NECAB1: variants seen among roughly 807,000 people sequenced by gnomAD.
NECAB1 encodes N-terminal EF-hand calcium binding protein 1.
NECAB1 carries 29 observed loss-of-function variants against 57.5 expected under a neutral mutation model. The ratio of observed to expected loss-of-function variants is 0.50; its 90% CI spans 0.38 to 0.69. The LOEUF is 0.69. NECAB1 is among the 30% of genes least tolerant of loss of function. The probability of loss-of-function intolerance (pLI) is 0.00; values close to 1 mark genes in which losing one functional copy is unlikely to be tolerated. For synonymous variants in NECAB1, 142 were observed against 147.7 expected (o/e 0.96, Z 0.28); for missense variants, 372 against 413.8 (o/e 0.90, Z 0.88).
intron 3 of NECAB1, among the ~76,000 whole-genome samples, chr8:90,828,172 T>A (rs1812253541): frequency 6.6e-6 from 1 of 151,208 alleles, no homozygotes; most frequent in South Asian, 2.1e-4. Context: ...ATTACTTGGA[T>A]CTTTTCAGTC....
At chr8:90,904,454 T>TA in intron 5 of NECAB1, among the ~76,000 whole-genome samples, 1 of 151,812 alleles carries the variant, frequency 6.6e-6, no homozygotes, top group East Asian at 1.9e-4. Context: ...GCTAAACATT[T>TA]AAAAAATACA....
intron 5 of NECAB1, among the ~76,000 whole-genome samples, chr8:90,887,856 G>A (rs957697082): frequency 3.3e-5 from 5 of 152,094 alleles, no homozygotes; most frequent in Admixed American, 1.3e-4. Context: ...TCGAATGAAT[G>A]TATAAATAGC....
intron 12 of NECAB1, among the ~76,000 whole-genome samples, chr8:90,952,168 G>T (rs1810934102): frequency 6.6e-6 from 1 of 151,908 alleles, no homozygotes; most frequent in South Asian, 2.1e-4. Context: ...AAAGGTGGAT[G>T]TCATGGAGAG....
intron 5 of NECAB1, among the ~76,000 whole-genome samples, chr8:90,885,221 A>G (rs2129906212): frequency 6.6e-6 from 1 of 152,306 alleles, no homozygotes; most frequent in Middle Eastern, 3.4e-3. Context: ...AAGATCATCA[A>G]CAAGGTGGTG....
intron 5 of NECAB1, among the ~76,000 whole-genome samples, chr8:90,913,480 A>G (rs1015986926): frequency 3.3e-4 from 50 of 152,108 alleles, no homozygotes; most frequent in Non-Finnish European, 6.5e-4. Flanking sequence ...GAAAAAAAAA[A>G]GAAGCAAAAT....
intron 1 of NECAB1, among the ~76,000 whole-genome samples, chr8:90,792,231 T>G (rs1360539793): frequency 6.6e-6 from 1 of 152,178 alleles, no homozygotes; most frequent in Admixed American, 6.5e-5. Context: ...ACAGGCTGGG[T>G]TTCGTAGAGA....
intron 3 of NECAB1, among the ~76,000 whole-genome samples, chr8:90,836,754 C>A (rs1205490721): frequency 4.6e-5 from 7 of 152,174 alleles, no homozygotes; most frequent in African/African-American, 1.4e-4. Flanking sequence ...CCTAATTATT[C>A]ATTTATTTAT....
intron 10 of NECAB1, among the ~76,000 whole-genome samples, chr8:90,946,580 A>G (rs909542646): frequency 1.2e-4 from 19 of 152,330 alleles, no homozygotes; most frequent in African/African-American, 4.6e-4. Context: ...AGAGGCAACA[A>G]TCTCAAGGTT....
intron 2 of NECAB1, among the ~76,000 whole-genome samples, chr8:90,815,049 G>A (rs769848782): frequency 1.6e-4 from 24 of 151,968 alleles, no homozygotes; most frequent in Non-Finnish European, 4.4e-5. Context: ...CACATGGATC[G>A]TTCTAGACTC....
At chr8:90,952,242 C>T (rs1421814409) in intron 12 of NECAB1, among the ~76,000 whole-genome samples, 1 of 151,298 alleles carries the variant, frequency 6.6e-6, no homozygotes, top group East Asian at 1.9e-4. Context: ...AAACCTGCAC[C>T]AGGAAATAGC....
rs1810246455 is a variant in NECAB1 at position 90,925,621 on chromosome 8, C to T, written c.581C>T (p.Ser194Phe). 2.5e-6 allele frequency: 4 copies of T among 1,613,854 alleles called. No individual in the cohort carries two copies. In the South Asian group the frequency reaches 4.4e-5, roughly 18 times the overall value. The change falls in exon 7 of 13, where the codon TCC (serine) becomes TTC (phenylalanine). Residue 194 changes from serine (S) to phenylalanine (F), a missense_variant. Ser to Phe is a radical substitution (Grantham distance 155). Coordinates refer to ENST00000417640, the MANE Select transcript of NECAB1 (RefSeq NM_022351.5). ...SRRVQRHNSF[S>F]PNSPQFNVSG... ...CGAGTCCAGAGACACAACAGCTTCT[C>T]CCCAAACAGCCCTCAGTTTAATGTC... is the stretch of plus-strand genomic sequence containing the variant.
chr8:90,846,065 A>G (rs1262360147), intron 3 of NECAB1, among the ~76,000 whole-genome samples: 2 of 152,226 alleles, frequency 1.3e-5, no homozygotes, highest in African/African-American at 2.4e-5. Flanking sequence ...AAAGTGGCAT[A>G]TCCTTAATTA....
chr8:90,897,847 T>C (rs1809396170), intron 5 of NECAB1, among the ~76,000 whole-genome samples: 1 of 152,352 alleles, frequency 6.6e-6, no homozygotes, highest in Admixed American at 6.5e-5. Flanking sequence ...TGCCTTCATT[T>C]GTAGGCTTAA....
chr8:90,896,232 T>A (rs993468071), intron 5 of NECAB1, among the ~76,000 whole-genome samples: 2 of 152,144 alleles, frequency 1.3e-5, no homozygotes, highest in South Asian at 4.1e-4. Flanking sequence ...AAGACATGTT[T>A]AAAAAGTTTG....
At chr8:90,912,706 T>G (rs910089990) in intron 5 of NECAB1, among the ~76,000 whole-genome samples, 1 of 152,108 alleles carries the variant, frequency 6.6e-6, no homozygotes, top group Non-Finnish European at 1.5e-5. Context: ...AGGCTTAAAT[T>G]TGATATAGTG....
intron 5 of NECAB1, among the ~76,000 whole-genome samples, chr8:90,899,657 A>T (rs1228483143): frequency 9.2e-5 from 14 of 152,324 alleles, no homozygotes; most frequent in African/African-American, 3.4e-4. Context: ...AGTTTAAAAT[A>T]TGTTGATGCT....
At chr8:90,952,742 C>T (rs544572458) in intron 12 of NECAB1, among the ~76,000 whole-genome samples, 1 of 152,014 alleles carries the variant, frequency 6.6e-6, no homozygotes, top group East Asian at 1.9e-4. Context: ...CGCACCACTG[C>T]ACTCCAGACT....
chr8:90,928,254 C>A lies in NECAB1; in HGVS notation c.648C>A (p.Thr216=). 6.2e-7 allele frequency: 1 copy of A among 1,609,742 alleles called. No individual in the cohort carries two copies. Among genetic ancestry groups the A allele is most frequent in the Non-Finnish European group, 8.5e-7 (1 of 1,178,084 alleles). ...TAGAAGAAGACAACCAGTGGATGACCCAGATAAATAGACTCCAGAAATTAA... is the reference window on the plus strand; with the variant it reads ...TAGAAGAAGACAACCAGTGGATGACACAGATAAATAGACTCCAGAAATTAA... ...GLLEEDNQWM[T]QINRLQKLID... The change falls in exon 8 of 13, where the codon ACC becomes ACA. Residue 216 remains threonine (T), a synonymous_variant. Transcript: ENST00000417640.
At chr8:90,946,659 C>A (rs1307574279) in intron 10 of NECAB1, among the ~76,000 whole-genome samples, 1 of 152,190 alleles carries the variant, frequency 6.6e-6, no homozygotes, top group Non-Finnish European at 1.5e-5. Context: ...TGGCTCTTCA[C>A]CAGATGGCCC....
Sources: allele counts gnomAD v4.1 joint callset (sites outside exome capture counted in the v4.1 genomes callset), GRCh38; gene constraint gnomAD v4.1.1; transcripts MANE v1.5; gene names NCBI Gene and HGNC (gene_info 2026-07-23, HGNC 2026-07-21).